Variants in MBD5 observed in about 807,000 individuals in gnomAD.
MBD5 encodes methyl-CpG binding domain protein 5, also known as methyl-CpG-binding domain protein 5.
Under a neutral mutation model 117.3 loss-of-function variants are expected in MBD5, and 13 were observed. The ratio of observed to expected loss-of-function variants is 0.11; its 90% CI spans 0.07 to 0.18. The LOEUF is 0.18. Ranked by LOEUF, MBD5 falls within the 10% of genes least tolerant of loss-of-function variation. The pLI, the probability that MBD5 is intolerant of heterozygous loss-of-function variation, is 1.00. For missense variants in MBD5, 1,879 were observed against 2,093.8 expected, an observed-to-expected ratio of 0.90 and a Z score of 2.00; for synonymous variants, 727 against 766.4, an observed-to-expected ratio of 0.95 and a Z score of 0.85.
At position 148,442,953 on chromosome 2, in the gene MBD5, A is replaced by G. The variant is rs140963934; in HGVS notation, c.-556-15250A>G. 2.0e-5 allele frequency among the ~76,000 whole-genome samples: 3 copies of G among 151,608 alleles called. No homozygotes were observed. The East Asian group carries it at 5.8e-4, about 29-fold the overall frequency. ...CAAGAAAACAATCAACAAAGTGAAG[A>G]GACAACCCATGGAATGGGAGAAAAT... On this transcript the variant is annotated intron_variant, in intron 4 of 13. Coordinates refer to ENST00000642680, the MANE Select transcript of MBD5 (RefSeq NM_001378120.1).
At chr2:148,500,463 C>T (rs1681838742) in intron 11 of MBD5, among the ~76,000 whole-genome samples, 1 of 151,912 alleles carries the variant, frequency 6.6e-6, no homozygotes, top group African/African-American at 2.4e-5. Flanking sequence ...TACTAGTTTG[C>T]AGTAGTATCA....
rs139042949 is a variant in MBD5, at chr2:148,489,951, G to A, written c.4319G>A (p.Arg1440Gln). 7.4e-5 allele frequency: 120 copies of A among 1,613,852 alleles called. No individual in the cohort carries two copies. Among genetic ancestry groups the A allele is most frequent in the Non-Finnish European group, 9.4e-5 (111 of 1,180,004 alleles). ...GGGGAGCAAAGCCCCAGAGGGGAGC[G>A]AAACAGGTGGAAGTACGAGGAATTT... ...WDGEQSPRGE[R>Q]NRWKYEEFLD... is the part of the protein sequence containing the mutation. Residue 1440 changes from arginine to glutamine, a missense_variant, in exon 11 of 14, where the codon CGA becomes CAA. Arg to Gln is a conservative substitution (Grantham distance 43). This residue lies in a region of MBD5 where 1,666 missense variants were observed against 1,792.2 expected (regional missense o/e 0.93). Transcript: ENST00000642680.
chr2:148,295,529 A>C (rs966362702), intron 3 of MBD5: 2 of 152,280 alleles, frequency 1.3e-5, no homozygotes, highest in Non-Finnish European at 2.9e-5. Flanking sequence ...AATAAGGCAG[A>C]AAGTATGTCC....
intron 3 of MBD5, among the ~76,000 whole-genome samples, chr2:148,275,848 A>G (rs906467742): frequency 2.0e-5 from 3 of 151,854 alleles, no homozygotes; most frequent in Non-Finnish European, 4.4e-5. Context: ...TTCTAAAATC[A>G]CCTGTTTGCT....
At chr2:148,390,435 A>G (rs1196287663) in intron 4 of MBD5, among the ~76,000 whole-genome samples, 2 of 150,916 alleles carry the variant, frequency 1.3e-5, no homozygotes, top group African/African-American at 2.4e-5. Context: ...TTATATATAT[A>G]TGTGTGTATA....
intron 2 of MBD5, among the ~76,000 whole-genome samples, chr2:148,220,597 T>A (rs1699661490): frequency 6.6e-6 from 1 of 152,116 alleles, no homozygotes; most frequent in Non-Finnish European, 1.5e-5. Flanking sequence ...AGACTAGTCA[T>A]AGTCTTATTT....
chr2:148,197,634 G>A (rs1008407870), intron 2 of MBD5, among the ~76,000 whole-genome samples: 4 of 151,962 alleles, frequency 2.6e-5, no homozygotes, highest in Admixed American at 6.6e-5. Context: ...TAATGGTTAC[G>A]TATTCTATTA....
rs1267308022 is a variant in MBD5, at chr2:148,507,635, T to A, written c.5037-2425T>A. 6.6e-5 allele frequency among the ~76,000 whole-genome samples: 10 copies of A among 152,088 alleles called. 1 individual carries two copies. In the South Asian group the frequency reaches 2.1e-3, roughly 32 times the overall value. On this transcript the variant is annotated intron_variant, in intron 12 of 13. Coordinates refer to ENST00000642680, the MANE Select transcript of MBD5 (RefSeq NM_001378120.1). ...TTAGCCGGGCGCGGTGGCGGGTGCC[T>A]GTAGTCCCAGCTACTCGAGGGGGCT...
At chr2:148,453,693 A>G (rs1173341777) in intron 4 of MBD5, among the ~76,000 whole-genome samples, 1 of 151,978 alleles carries the variant, frequency 6.6e-6, no homozygotes, top group Non-Finnish European at 1.5e-5. Flanking sequence ...TTAAATTTGG[A>G]AAACAGCAGA....
intron 11 of MBD5, among the ~76,000 whole-genome samples, chr2:148,499,102 G>A (rs556260239): frequency 6.6e-6 from 1 of 152,090 alleles, no homozygotes; most frequent in East Asian, 1.9e-4. Flanking sequence ...AGATCAGCTT[G>A]GGCAATATAA....
chr2:148,366,302 A>AACTATTGATAGTTTATTGATGGT (rs147908225), intron 4 of MBD5, among the ~76,000 whole-genome samples: 6 of 40,308 alleles, frequency 1.5e-4, no homozygotes, highest in African/African-American at 4.7e-4. Flanking sequence ...ACTATCAATA[A>AACTATTGATAGTTTATTGATGGT]ACTAGGTATT....
chr2:148,325,637 T>C (rs2106597856), intron 3 of MBD5, among the ~76,000 whole-genome samples: 1 of 152,338 alleles, frequency 6.6e-6, no homozygotes. Context: ...GTGTTTGTAG[T>C]ATTCTCTGAT....
At chr2:148,406,994 T>A (rs1487778554) in intron 4 of MBD5, among the ~76,000 whole-genome samples, 1 of 152,206 alleles carries the variant, frequency 6.6e-6, no homozygotes, top group Non-Finnish European at 1.5e-5. Context: ...TATTGGTTTT[T>A]GATCTGTATG....
rs369938061 is a variant in MBD5, at chr2:148,028,942, A to G, written c.-925+7258A>G. Among the ~76,000 whole-genome samples the G allele has an allele frequency of 2.6e-5, 4 of 152,226 alleles. No individual in the cohort carries two copies. In the East Asian group the frequency reaches 7.7e-4, roughly 29 times the overall value. ...TTGGCCATTTTAGACAATGTAATCT[A>G]GTTAAAAGGTTTGTTTATGCTTCCC... On this transcript the variant is annotated intron_variant, in intron 1 of 13. Coordinates refer to ENST00000642680, the MANE Select transcript of MBD5 (RefSeq NM_001378120.1).
rs1002568037 is a variant in MBD5, at chr2:148,458,491, C to G, written c.-268C>G. 5 of 586,052 alleles carry G rather than the reference C, an allele frequency of 8.5e-6. No homozygotes were observed. The highest frequency in any genetic ancestry group is 1.5e-5 in the Non-Finnish European group (5 of 329,510). The allele number at this position is 586,052 out of a possible 1,614,324, so 36.3% of individuals were successfully genotyped here. A position where few individuals can be genotyped will look rare whatever the true frequency, so the allele number is the denominator to read the frequency against. On this transcript the variant is annotated 5_prime_UTR_variant, in exon 5 of 14. Transcript: ENST00000642680. Reference sequence around the variant, plus strand: ...TTGGTGAATTATGATTTTCCTTAGTCAGAAGCACTCATTTTTACCCATGTA... The same window carrying G: ...TTGGTGAATTATGATTTTCCTTAGTGAGAAGCACTCATTTTTACCCATGTA...
In MBD5 at chr2:148,514,411, A is replaced by C. The variant is rs1444915844; in HGVS notation, c.*1470A>C. 2.0e-5 allele frequency: 3 copies of C among 152,324 alleles called. No individual in the cohort carries two copies. Among genetic ancestry groups the C allele is most frequent in the Middle Eastern group, 6.8e-3 (2 of 294 alleles). 9.4% of individuals were successfully genotyped at this position (152,324 alleles called of 1,614,324 possible). A position where few individuals can be genotyped will look rare whatever the true frequency, so the allele number is the denominator to read the frequency against. On this transcript the variant is annotated 3_prime_UTR_variant, in exon 14 of 14. Transcript: ENST00000642680. ...GTATTACCCTATCTTCCAGGCAGTT[A>C]AGCAAAGTTTAGGCTTCCAGCCTGA...
chr2:148,105,656 G>A (rs1696352081), intron 1 of MBD5, among the ~76,000 whole-genome samples: 1 of 151,782 alleles, frequency 6.6e-6, no homozygotes. Context: ...TAGCTTTCTT[G>A]TCAGTTTCAT....
chr2:148,195,821 A>G (rs1363730686), intron 2 of MBD5, among the ~76,000 whole-genome samples: 1 of 152,218 alleles, frequency 6.6e-6, no homozygotes, highest in Non-Finnish European at 1.5e-5. Flanking sequence ...CACCAGAGAA[A>G]TTAGAAAATA....
chr2:148,156,848 T>G (rs1697888685), intron 1 of MBD5, among the ~76,000 whole-genome samples: 1 of 152,184 alleles, frequency 6.6e-6, no homozygotes, highest in Non-Finnish European at 1.5e-5. Context: ...CACTTGTTAT[T>G]TATTGAATGA....
Sources: gnomAD v4.1 joint callset for allele counts (sites outside exome capture counted in the v4.1 genomes callset) on GRCh38, gnomAD v4.1.1 for gene constraint, gnomAD v4.1.1 regional missense constraint, MANE v1.5 for transcripts, NCBI Gene and HGNC (gene_info 2026-07-23, HGNC 2026-07-21) for gene names.